Variants in NBAS observed in about 807,000 individuals in gnomAD.
NBAS encodes the protein NAG/BC035112 fusion.
Under a neutral mutation model 302.5 loss-of-function variants are expected in NBAS, and 219 were observed. The observed-to-expected ratio is 0.72, with a 90% confidence interval of 0.65 to 0.81. NBAS has a LOEUF of 0.81. Ranked by LOEUF, NBAS falls within the 30% of genes least tolerant of loss-of-function variation. The pLI is 0.00. For missense variants in NBAS, 2,932 were observed against 2,841.6 expected (o/e 1.03, Z -0.72); for synonymous variants, 1,118 against 1,021.6 (o/e 1.09, Z -1.80).
chr2:15,084,155 C>T, the NBAS span, among the ~76,000 whole-genome samples: 1 of 151,848 alleles, frequency 6.6e-6, no homozygotes, highest in Non-Finnish European at 1.5e-5. Flanking sequence ...CTCAAGTAAT[C>T]CTCCCGCCTC....
chr2:15,243,424 C>T (rs2147960137), intron 44 of NBAS, among the ~76,000 whole-genome samples: 1 of 152,170 alleles, frequency 6.6e-6, no homozygotes, highest in Non-Finnish European at 1.5e-5. Flanking sequence ...CCTTAAGTGA[C>T]TTTGTGGTAC....
chr2:14,842,484 G>C, the NBAS span, among the ~76,000 whole-genome samples: 1 of 151,756 alleles, frequency 6.6e-6, no homozygotes, highest in East Asian at 1.9e-4. Context: ...CTAAAAAGAT[G>C]ACATAACAAC....
chr2:15,401,139 T>TAAA (rs371967680), intron 26 of NBAS, among the ~76,000 whole-genome samples: 2 of 146,590 alleles, frequency 1.4e-5, no homozygotes, highest in South Asian at 4.3e-4. Context: ...CTTTGAAACT[T>TAAA]AAAAAAAAAA....
At chr2:15,413,247 A>G (rs1001052616) in intron 25 of NBAS, among the ~76,000 whole-genome samples, 1 of 152,178 alleles carries the variant, frequency 6.6e-6, no homozygotes, top group African/African-American at 2.4e-5. Context: ...CACCAGTTTC[A>G]ATCATTCATT....
chr2:15,065,831 A>G, the NBAS span, among the ~76,000 whole-genome samples: 1 of 152,174 alleles, frequency 6.6e-6, no homozygotes, highest in Non-Finnish European at 1.5e-5. Flanking sequence ...AGCAATCTAC[A>G]GATTCAACAC....
chr2:15,114,884 T>C, the NBAS span, among the ~76,000 whole-genome samples: 2 of 152,190 alleles, frequency 1.3e-5, no homozygotes, highest in Non-Finnish European at 2.9e-5. Context: ...ATGATAAATA[T>C]GAAGATAAAC....
intron 26 of NBAS, among the ~76,000 whole-genome samples, chr2:15,400,712 T>C (rs1016222863): frequency 2.0e-5 from 3 of 152,212 alleles, no homozygotes; most frequent in African/African-American, 7.2e-5. Context: ...TTTATGTTCA[T>C]ACATTATTTA....
At chr2:15,162,119 G>C (rs1663913219), downstream of NBAS, among the ~76,000 whole-genome samples, 1 of 152,038 alleles carries the variant, frequency 6.6e-6, no homozygotes, top group Non-Finnish European at 1.5e-5. Context: ...GTTGCTTAAA[G>C]TCGTATTAGC....
chr2:15,491,663 G>A (rs958512075), intron 11 of NBAS, among the ~76,000 whole-genome samples: 4 of 151,974 alleles, frequency 2.6e-5, no homozygotes, highest in Non-Finnish European at 5.9e-5. Flanking sequence ...GTGAACCAAG[G>A]AGGCAGAGCT....
chr2:15,032,572 C>T, the NBAS span, among the ~76,000 whole-genome samples: 1 of 152,196 alleles, frequency 6.6e-6, no homozygotes, highest in South Asian at 2.1e-4. Context: ...GGGTAATAAC[C>T]TGAAGACAGA....
At chr2:15,356,239 C>T (rs968450342) in intron 33 of NBAS, 64 bp downstream of exon 33, 38 of 1,356,128 alleles carry the variant, frequency 2.8e-5, no homozygotes, top group Non-Finnish European at 4.0e-5. Context: ...TCAGAACAGA[C>T]CTTTTCCATT....
intron 40 of NBAS, among the ~76,000 whole-genome samples, chr2:15,297,095 A>C (rs1670583800): frequency 6.6e-6 from 1 of 152,204 alleles, no homozygotes; most frequent in African/African-American, 2.4e-5. Flanking sequence ...TAAAACATGT[A>C]CTGAGTCTCA....
chr2:15,440,850 G>A (rs562481188), intron 21 of NBAS, among the ~76,000 whole-genome samples: 2 of 152,034 alleles, frequency 1.3e-5, no homozygotes, highest in Admixed American at 6.6e-5. Flanking sequence ...GGAGAACTAC[G>A]TGAAGAATGC....
chr2:15,546,715 C>A (rs1019090686), intron 6 of NBAS, among the ~76,000 whole-genome samples: 1 of 152,192 alleles, frequency 6.6e-6, no homozygotes, highest in Admixed American at 6.5e-5. Context: ...GTGACAGAGC[C>A]AGACTCCGTC....
At chr2:14,892,374 G>C in the NBAS span, among the ~76,000 whole-genome samples, 7 of 152,048 alleles carry the variant, frequency 4.6e-5, no homozygotes, top group Non-Finnish European at 5.9e-5. Flanking sequence ...AACCAAATTG[G>C]GTCCCCACAC....
the NBAS span, among the ~76,000 whole-genome samples, chr2:14,826,037 A>G: frequency 6.6e-6 from 1 of 152,256 alleles, no homozygotes; most frequent in South Asian, 2.1e-4. Flanking sequence ...CCATGAGACC[A>G]TAAGTAACTG....
the NBAS span, among the ~76,000 whole-genome samples, chr2:14,997,013 T>A: frequency 1.3e-5 from 2 of 152,136 alleles, no homozygotes; most frequent in Admixed American, 6.5e-5. Context: ...AAACCCAAGT[T>A]TCTGACCCTA....
At chr2:15,451,142 C>T (rs1019976275) in intron 21 of NBAS, among the ~76,000 whole-genome samples, 2 of 152,140 alleles carry the variant, frequency 1.3e-5, no homozygotes, top group East Asian at 1.9e-4. Flanking sequence ...ACCTTGAAAT[C>T]CAGAGCTCAA....
intron 44 of NBAS, among the ~76,000 whole-genome samples, chr2:15,241,035 T>C (rs1432894663): frequency 5.3e-5 from 8 of 152,082 alleles, no homozygotes; most frequent in Non-Finnish European, 4.4e-5. Flanking sequence ...CCAGAACACT[T>C]GGTTACCAAG....
Sources: allele counts gnomAD v4.1 joint callset (sites outside exome capture counted in the v4.1 genomes callset), GRCh38; gene constraint gnomAD v4.1.1; transcripts MANE v1.5; gene names NCBI Gene and HGNC (gene_info 2026-07-23, HGNC 2026-07-21).